MOG: variants seen among roughly 807,000 people sequenced by gnomAD.
MOG encodes myelin oligodendrocyte glycoprotein.
A neutral mutation model predicts 35.9 loss-of-function variants in MOG; 20 were observed. The ratio of observed to expected loss-of-function variants is 0.56; its 90% CI spans 0.39 to 0.81. The LOEUF (loss-of-function observed/expected upper bound fraction) is 0.81. Among genes scored for constraint, MOG ranks in the 30% least tolerant of loss-of-function variants. The probability of loss-of-function intolerance (pLI) is 0.00; values close to 1 mark genes in which losing one functional copy is unlikely to be tolerated. For missense variants in MOG, 251 were observed against 301.0 expected (o/e 0.83, Z 1.23); for synonymous variants, 92 against 114.3 (o/e 0.80, Z 1.25).
intron 2 of MOG, among the ~76,000 whole-genome samples, chr6:29,661,072 T>C (rs1562184411): frequency 1.3e-5 from 2 of 152,322 alleles, no homozygotes; most frequent in South Asian, 2.1e-4. Flanking sequence ...TTTTGCTCTA[T>C]CGCAGGATGA....
chr6:29,670,083 A>T lies in MOG; in HGVS notation c.593-198A>T. 1 of 946,290 alleles carries T rather than the reference A, an allele frequency of 1.1e-6. No homozygotes were observed. The highest frequency in any genetic ancestry group is 1.7e-6 in the Non-Finnish European group (1 of 589,968). The allele number at this position is 946,290 out of a possible 1,614,324, so 58.6% of individuals were successfully genotyped here. A position where few individuals can be genotyped will look rare whatever the true frequency, so the allele number is the denominator to read the frequency against. ...CACACCTGGCAGTTGTTACATTTTTAATGAAAGAAAATGTTAAATCCAGTT... is the reference window on the plus strand; with the variant it reads ...CACACCTGGCAGTTGTTACATTTTTTATGAAAGAAAATGTTAAATCCAGTT... On this transcript the variant is annotated intron_variant, in intron 5 of 7. Transcript: ENST00000376917. This position sits in a 1 kb window ranked among gnomAD's most constrained non-coding sequence, Gnocchi z 4.2.
intron 2 of MOG, among the ~76,000 whole-genome samples, chr6:29,665,645 T>C (rs1172286134): frequency 1.3e-5 from 2 of 151,858 alleles, no homozygotes; most frequent in Non-Finnish European, 2.9e-5. Flanking sequence ...TTTCTCCCTA[T>C]GTTCTCCAGT....
intron 2 of MOG, among the ~76,000 whole-genome samples, chr6:29,665,341 C>T (rs1402084745): frequency 2.0e-5 from 3 of 151,996 alleles, no homozygotes; most frequent in Non-Finnish European, 4.4e-5. Context: ...GGCGATCCGC[C>T]CGCCTCGGCC....
In MOG at chr6:29,659,314, G is replaced by C. The variant is rs747208962; in HGVS notation, c.89-5G>C. 1 of 1,612,888 alleles carries C rather than the reference G, an allele frequency of 6.2e-7. No individual in the cohort carries two copies. Among genetic ancestry groups the C allele is most frequent in the Non-Finnish European group, 8.5e-7 (1 of 1,179,980 alleles). On this transcript the variant is annotated splice_polypyrimidine_tract_variant and splice_region_variant and intron_variant, in intron 1 of 7. Transcript: ENST00000376917. ...TAAATCTCTTCCTTTTGGTGTCTTG[G>C]ACAGGGCAGTTCAGAGTGATAGGAC...
intron 2 of MOG, among the ~76,000 whole-genome samples, chr6:29,663,249 G>A (rs1769309228): frequency 7.0e-6 from 1 of 143,836 alleles, no homozygotes; most frequent in African/African-American, 2.6e-5. Flanking sequence ...TCCAGCCTGG[G>A]GCAACAGAGT....
At chr6:29,664,498 T>C (rs1418039909) in intron 2 of MOG, 11 of 346,166 alleles carry the variant, frequency 3.2e-5, no homozygotes, top group Non-Finnish European at 6.2e-5. Context: ...TGAGCCACCA[T>C]GCCCGCTGTA....
rs1353733082 is a variant in MOG, at chr6:29,670,910, T to C, written c.730+189T>C. On this transcript the variant is annotated intron_variant, in intron 7 of 7. Transcript: ENST00000376917. This position sits in a 1 kb window ranked among gnomAD's most constrained non-coding sequence, Gnocchi z 4.2. Reference sequence around the variant, plus strand: ...AAAGAAGCCAGCTGTTAGAGACACATTTACAGGTGGCAGAGAAGCTGGAGG... The same window carrying C: ...AAAGAAGCCAGCTGTTAGAGACACACTTACAGGTGGCAGAGAAGCTGGAGG... 4 of 1,606,818 alleles carry C rather than the reference T, an allele frequency of 2.5e-6. No homozygotes were observed. The South Asian group carries it at 3.3e-5, about 13-fold the overall frequency.
At chr6:29,666,510 T>C (rs780802690) in intron 3 of MOG, among the ~76,000 whole-genome samples, 5 of 152,206 alleles carry the variant, frequency 3.3e-5, no homozygotes, top group Non-Finnish European at 5.9e-5. Flanking sequence ...AACCCCATTT[T>C]ACAGAGGATA....
chr6:29,665,165 C>A (rs997312349), intron 2 of MOG, among the ~76,000 whole-genome samples: 1 of 150,948 alleles, frequency 6.6e-6, no homozygotes, highest in Non-Finnish European at 1.5e-5. Context: ...GGCAAGATCT[C>A]GGCTCACCTC....
chr6:29,664,468 A>G (rs1450583368), intron 2 of MOG, among the ~76,000 whole-genome samples: 2 of 152,126 alleles, frequency 1.3e-5, no homozygotes, highest in African/African-American at 4.8e-5. Context: ...TGGCCTCCCA[A>G]AATGCTGGGA....
chr6:29,665,846 G>A (rs1047705543), intron 2 of MOG, among the ~76,000 whole-genome samples: 1 of 151,936 alleles, frequency 6.6e-6, no homozygotes, highest in Non-Finnish European at 1.5e-5. Context: ...TGACTTTGTC[G>A]TCAATAAAAA....
chr6:29,658,372 A>G (rs947885626), intron 1 of MOG, among the ~76,000 whole-genome samples: 3 of 151,644 alleles, frequency 2.0e-5, no homozygotes, highest in African/African-American at 7.3e-5. Flanking sequence ...ACATCCACAT[A>G]GAAAAAAACA....
At chr6:29,666,341 T>C in intron 3 of MOG, 76 bp downstream of exon 3, 1 of 852,106 alleles carries the variant, frequency 1.2e-6, no homozygotes, top group Non-Finnish European at 2.0e-6. Flanking sequence ...CCACTTAACA[T>C]GTATTTGTGA....
intron 2 of MOG, among the ~76,000 whole-genome samples, chr6:29,660,795 G>A (rs1274520652): frequency 6.8e-6 from 1 of 147,402 alleles, no homozygotes; most frequent in Admixed American, 6.9e-5. Flanking sequence ...GGCGCCCTCC[G>A]CCTCCTGGGT....
intron 1 of MOG, 53 bp from the exon 2 acceptor site, chr6:29,659,266 C>T (rs1767922499): frequency 6.3e-7 from 1 of 1,578,070 alleles, no homozygotes; most frequent in Non-Finnish European, 8.7e-7. Context: ...GACAGGCTTG[C>T]TTGCCAAGGT....
At position 29,671,301 on chromosome 6, in the gene MOG, C is replaced by G. The variant is rs140693792; in HGVS notation, c.*116C>G. 7.6e-5 allele frequency: 122 copies of G among 1,611,690 alleles called. 1 individual carries two copies. The East Asian group carries it at 2.7e-3, about 36-fold the overall frequency. On this transcript the variant is annotated 3_prime_UTR_variant, in exon 8 of 8. Coordinates refer to ENST00000376917, the MANE Select transcript of MOG (RefSeq NM_206809.4). ...CTGGCATCTTTGCTATGGGGACATT[C>G]CAATTTGCACTTTCAGGAACACTCT...
In MOG at chr6:29,670,300, G is replaced by A. The variant is rs1771175788; in HGVS notation, c.612G>A (p.Val204=). ...ATTCAGATCCCCACTTTCTGAGGGT[G>A]CCCTGCTGGAAGATAACCCTGTTTG... ...HRTFDPHFLR[V]PCWKITLFVI... The change falls in exon 6 of 8, where the codon GTG becomes GTA. Residue 204 remains valine, a synonymous_variant. Transcript: ENST00000376917. This position sits in a 1 kb window ranked among gnomAD's most constrained non-coding sequence, Gnocchi z 4.2. 6.2e-7 allele frequency: 1 copy of A among 1,614,182 alleles called. No individual in the cohort carries two copies. Among genetic ancestry groups the A allele is most frequent in the Middle Eastern group, 1.6e-4 (1 of 6,062 alleles).
rs776448623 is a variant in MOG, at chr6:29,662,650, ATCATT to A, written c.436+2987_436+2991del. Among the ~76,000 whole-genome samples the A allele has an allele frequency of 2.0e-5, 3 of 151,854 alleles. No homozygotes were observed. Among genetic ancestry groups the A allele is most frequent in the Admixed American group, 6.6e-5 (1 of 15,224 alleles). The stretch of plus-strand genomic sequence containing the variant: ...ACTGAGGTAAATCCTAGGCAGCATG[ATCATT>A]TCTTTTTTTTCTTTTTATTTATTTT... On this transcript the variant is annotated intron_variant, in intron 2 of 7. Coordinates refer to ENST00000376917, the MANE Select transcript of MOG (RefSeq NM_206809.4). The surrounding 1 kb of genome is among the most constrained non-coding windows in gnomAD (Gnocchi z 4.2).
intron 5 of MOG, among the ~76,000 whole-genome samples, chr6:29,668,156 T>C (rs928399373): frequency 2.0e-5 from 3 of 152,196 alleles, no homozygotes; most frequent in East Asian, 1.9e-4. Flanking sequence ...AAAAATGTTA[T>C]CTTATTCTGT....
Sources: gnomAD v4.1 joint callset for allele counts (sites outside exome capture counted in the v4.1 genomes callset) on GRCh38, gnomAD v4.1.1 for gene constraint, Gnocchi (gnomAD v3.1) non-coding constraint, MANE v1.5 for transcripts, NCBI Gene and HGNC (gene_info 2026-07-23, HGNC 2026-07-21) for gene names.